Variants in HSD17B12 observed in about 807,000 individuals in gnomAD.
The protein encoded by HSD17B12 is hydroxysteroid 17-beta dehydrogenase 12.
In HSD17B12, 32 loss-of-function variants were observed where a neutral mutation model predicts 39.3. The observed-to-expected ratio is 0.81, with a 90% CI of 0.61 to 1.09. HSD17B12 has a LOEUF of 1.09. Among genes scored for constraint, HSD17B12 ranks in the 50% least tolerant of loss-of-function variants. The pLI is 0.00. For missense variants in HSD17B12, 342 were observed against 382.9 expected (o/e 0.89, Z 0.89); for synonymous variants, 150 against 146.7 (o/e 1.02, Z -0.16).
chr11:43,843,773 G>C (rs1360132223), intron 9 of HSD17B12, among the ~76,000 whole-genome samples: 1 of 152,056 alleles, frequency 6.6e-6, no homozygotes, highest in Admixed American at 6.6e-5. Flanking sequence ...GGCACATTTG[G>C]TTAGGCCTTT....
chr11:43,850,351 A>G (rs1045824964), intron 9 of HSD17B12, among the ~76,000 whole-genome samples: 3 of 152,164 alleles, frequency 2.0e-5, no homozygotes, highest in Non-Finnish European at 4.4e-5. Flanking sequence ...AGTTTTCCTA[A>G]TATTCTTCAT....
At chr11:43,678,517 G>A (rs892038519), upstream of HSD17B12, among the ~76,000 whole-genome samples, 2 of 152,196 alleles carry the variant, frequency 1.3e-5, no homozygotes, top group African/African-American at 4.8e-5. Flanking sequence ...CCATGCCTAT[G>A]TCCTGAATGG....
chr11:43,686,612 T>TC (rs34246842), intron 1 of HSD17B12, among the ~76,000 whole-genome samples: 42 of 148,186 alleles, frequency 2.8e-4, no homozygotes, highest in Non-Finnish European at 3.8e-4. Flanking sequence ...TTTTTTTTTT[T>TC]CCTGTTCTTT....
At chr11:43,706,310 G>A (rs367978573) in intron 1 of HSD17B12, among the ~76,000 whole-genome samples, 3 of 152,302 alleles carry the variant, frequency 2.0e-5, no homozygotes, top group South Asian at 2.1e-4. Context: ...TTGGGAGGCC[G>A]AGGTGGGCAG....
the HSD17B12 span, among the ~76,000 whole-genome samples, chr11:43,651,675 G>A: frequency 6.4e-3 from 978 of 152,276 alleles, 6 homozygotes; most frequent in African/African-American, 0.022. Flanking sequence ...CTGCCTCCTA[G>A]GTTCAAGTGA....
At chr11:43,668,954 A>G in the HSD17B12 span, among the ~76,000 whole-genome samples, 1 of 152,084 alleles carries the variant, frequency 6.6e-6, no homozygotes, top group Non-Finnish European at 1.5e-5. Context: ...TTGGCTTCCC[A>G]AAGTGTTAGA....
chr11:43,782,891 C>A (rs1236188122), intron 3 of HSD17B12, among the ~76,000 whole-genome samples: 1 of 152,140 alleles, frequency 6.6e-6, no homozygotes, highest in Non-Finnish European at 1.5e-5. Flanking sequence ...TTATCATCAT[C>A]AGTACTGGGA....
the HSD17B12 span, among the ~76,000 whole-genome samples, chr11:43,570,621 G>A: frequency 2.0e-5 from 3 of 152,106 alleles, no homozygotes; most frequent in African/African-American, 7.2e-5. Context: ...ATGCTCTTCA[G>A]GGATCCTAGC....
chr11:43,569,122 A>T, the HSD17B12 span, among the ~76,000 whole-genome samples: 2 of 152,170 alleles, frequency 1.3e-5, no homozygotes, highest in Non-Finnish European at 2.9e-5. Flanking sequence ...AAGTAATAGG[A>T]GTCCCATTCC....
At chr11:43,639,586 A>T in the HSD17B12 span, among the ~76,000 whole-genome samples, 1 of 152,034 alleles carries the variant, frequency 6.6e-6, no homozygotes, top group Non-Finnish European at 1.5e-5. Context: ...TGGGCTTGTG[A>T]GTTGACATCT....
chr11:43,584,014 C>A, the HSD17B12 span, among the ~76,000 whole-genome samples: 1 of 152,148 alleles, frequency 6.6e-6, no homozygotes, highest in Non-Finnish European at 1.5e-5. Flanking sequence ...AGAGTCCCCT[C>A]AAAGTCACCT....
At chr11:43,605,157 G>T in the HSD17B12 span, among the ~76,000 whole-genome samples, 1 of 152,282 alleles carries the variant, frequency 6.6e-6, no homozygotes, top group South Asian at 2.1e-4. Context: ...GGACTGGAAG[G>T]ATAAAGAGCC....
the HSD17B12 span, among the ~76,000 whole-genome samples, chr11:43,557,988 T>C: frequency 2.0e-5 from 3 of 152,148 alleles, no homozygotes; most frequent in African/African-American, 4.8e-5. Flanking sequence ...CATGTGACGA[T>C]AGGGAGGTCA....
intron 7 of HSD17B12, among the ~76,000 whole-genome samples, chr11:43,834,358 T>C (rs1430187699): frequency 8.6e-6 from 1 of 115,654 alleles, no homozygotes; most frequent in African/African-American, 2.9e-5. Flanking sequence ...ATGTGAAGAA[T>C]TGGGATGGAA....
chr11:43,745,352 T>C (rs6485456), intron 1 of HSD17B12, among the ~76,000 whole-genome samples: 99,703 of 152,086 alleles, frequency 0.66, 33,031 homozygotes, highest in East Asian at 0.75. Context: ...AGTGACTTTA[T>C]GTAGTTTCAT....
chr11:43,557,867 G>T, the HSD17B12 span, among the ~76,000 whole-genome samples: 41 of 151,048 alleles, frequency 2.7e-4, no homozygotes, highest in South Asian at 4.2e-4. Flanking sequence ...GTGCTGTAAC[G>T]GGGGGGAGCC....
At chr11:43,736,239 TCGG>T (rs1950315276) in intron 1 of HSD17B12, among the ~76,000 whole-genome samples, 1 of 152,072 alleles carries the variant, frequency 6.6e-6, no homozygotes, top group Admixed American at 6.5e-5. Context: ...TGCCTGGAAG[TCGG>T]CCCAGGGGAG....
intron 1 of HSD17B12, among the ~76,000 whole-genome samples, chr11:43,717,271 T>A (rs968697711): frequency 6.6e-6 from 1 of 152,200 alleles, no homozygotes; most frequent in African/African-American, 2.4e-5. Context: ...GAACAGTACC[T>A]GACATATATT....
intron 1 of HSD17B12, among the ~76,000 whole-genome samples, chr11:43,727,208 G>A (rs1950229731): frequency 6.6e-6 from 1 of 152,212 alleles, no homozygotes; most frequent in South Asian, 2.1e-4. Context: ...TCTTGCTGGT[G>A]CTGTTAGACT....
Sources: allele counts gnomAD v4.1 joint callset (sites outside exome capture counted in the v4.1 genomes callset), GRCh38; gene constraint gnomAD v4.1.1; transcripts MANE v1.5; gene names NCBI Gene and HGNC (gene_info 2026-07-23, HGNC 2026-07-21).